RARB: variants seen among roughly 807,000 people sequenced by gnomAD.
RARB encodes HBV-activated protein.
RARB carries 17 observed loss-of-function variants against 51.9 expected under a neutral mutation model. The ratio of observed to expected loss-of-function variants is 0.33; its 90% CI spans 0.22 to 0.49. The LOEUF is 0.49. Among genes scored for constraint, RARB ranks in the 20% least tolerant of loss-of-function variants. The pLI is 0.99. For missense variants in RARB, 369 were observed against 550.8 expected, an observed-to-expected ratio of 0.67 and a Z score of 3.30; for synonymous variants, 215 against 195.4, an observed-to-expected ratio of 1.10 and a Z score of -0.84.
chr3:25,350,555 C>G (rs566857385), intron 5 of RARB, among the ~76,000 whole-genome samples: 36 of 152,270 alleles, frequency 2.4e-4, no homozygotes, highest in African/African-American at 8.7e-4. Flanking sequence ...ATAGCACTCA[C>G]CACTGCCTAA....
At position 25,321,487 on chromosome 3, in the gene RARB, G is replaced by A. The variant is rs528545041; in HGVS notation, c.179-139706G>A. On this transcript the variant is annotated intron_variant, in intron 5 of 11. Coordinates refer to the RARB transcript ENST00000383772. Reference sequence around the variant, plus strand: ...AATCCCAGCACTTTGGGAGGCCGAGGCAGTCCAGTCACCTGAGGTTAGGTG... The same window carrying A: ...AATCCCAGCACTTTGGGAGGCCGAGACAGTCCAGTCACCTGAGGTTAGGTG... Among the ~76,000 whole-genome samples, 168 of 152,176 alleles carry A rather than the reference G, an allele frequency of 1.1e-3. 1 individual carries two copies. In the South Asian group the frequency reaches 0.02, roughly 18 times the overall value.
At chr3:24,871,439 C>T (rs547846762) in intron 2 of RARB, among the ~76,000 whole-genome samples, 9 of 152,266 alleles carry the variant, frequency 5.9e-5, no homozygotes, top group East Asian at 3.9e-4. Flanking sequence ...GGCATTCCCT[C>T]GCTACCATGT....
At chr3:25,186,641 T>C (rs1700983080) in intron 5 of RARB, among the ~76,000 whole-genome samples, 1 of 152,048 alleles carries the variant, frequency 6.6e-6, no homozygotes, top group African/African-American at 2.4e-5. Context: ...CATAGAAAGA[T>C]AATGAATGGA....
intron 2 of RARB, among the ~76,000 whole-genome samples, chr3:24,997,196 G>C (rs1016474591): frequency 6.6e-6 from 1 of 152,030 alleles, no homozygotes; most frequent in South Asian, 2.1e-4. Context: ...AACTGATATT[G>C]TTGTTATTGT....
intron 5 of RARB, among the ~76,000 whole-genome samples, chr3:25,182,915 T>C (rs1700890570): frequency 6.6e-6 from 1 of 152,064 alleles, no homozygotes; most frequent in African/African-American, 2.4e-5. Context: ...CATGTGAAGA[T>C]TGGAGCTAGC....
intron 5 of RARB, among the ~76,000 whole-genome samples, chr3:25,349,601 T>A (rs1705498120): frequency 6.6e-6 from 1 of 152,176 alleles, no homozygotes. Context: ...CAGCAATTCA[T>A]GTCCTCAAAT....
chr3:25,062,745 T>A (rs1288086948), intron 3 of RARB, among the ~76,000 whole-genome samples: 1 of 151,954 alleles, frequency 6.6e-6, no homozygotes, highest in Non-Finnish European at 1.5e-5. Context: ...GCTTATTGGT[T>A]GCCTATGTTT....
chr3:25,572,028 A>G (rs1405038680), intron 4 of RARB, among the ~76,000 whole-genome samples: 1 of 152,214 alleles, frequency 6.6e-6, no homozygotes, highest in Non-Finnish European at 1.5e-5. Context: ...ATTGCCAACC[A>G]TTCAGTGGCA....
chr3:25,114,602 G>C (rs1485431582), intron 3 of RARB, among the ~76,000 whole-genome samples: 2 of 152,150 alleles, frequency 1.3e-5, no homozygotes, highest in Non-Finnish European at 2.9e-5. Flanking sequence ...GTTTACAGTT[G>C]CAAGTGTTAT....
At chr3:25,552,558 C>T (rs890327251) in intron 3 of RARB, among the ~76,000 whole-genome samples, 1 of 152,096 alleles carries the variant, frequency 6.6e-6, no homozygotes, top group Non-Finnish European at 1.5e-5. Flanking sequence ...GCTGGCCCTG[C>T]TTTGCATATA....
chr3:25,594,523 G>A lies in RARB; in HGVS notation c.995G>A (p.Arg332His), dbSNP rs774385228. Residue 332 changes from arginine to histidine, a missense_variant, in exon 7 of 8, where the codon CGC (arginine) becomes CAC (histidine). By Grantham distance (29) the Arg-to-His change is conservative. Coordinates refer to ENST00000330688, the MANE Select transcript of RARB (RefSeq NM_000965.5). ...ATACTTTATTCCTGGTATCCAGACC[G>A]CCAGGACCTTGAGGAACCGACAAAA... ...LSAICLICGD[R>H]QDLEEPTKVD... 7 of 1,605,400 alleles carry A rather than the reference G, an allele frequency of 4.4e-6. No homozygotes were observed. The highest frequency in any genetic ancestry group is 1.4e-5 in the African/African-American group (1 of 74,068).
chr3:24,955,690 T>C (rs576794532), intron 2 of RARB, among the ~76,000 whole-genome samples: 5 of 152,238 alleles, frequency 3.3e-5, no homozygotes, highest in East Asian at 1.9e-4. Flanking sequence ...ATGCCCTTTT[T>C]TTTAGGGGGT....
upstream of RARB, among the ~76,000 whole-genome samples, chr3:25,426,776 CA>C (rs565332284): frequency 7.9e-4 from 121 of 152,322 alleles, no homozygotes; most frequent in Non-Finnish European, 1.5e-3. Context: ...ATCCTTTAAA[CA>C]AGTTGTGCAA....
intron 2 of RARB, among the ~76,000 whole-genome samples, chr3:24,922,784 T>C (rs1338618626): frequency 6.6e-6 from 1 of 152,132 alleles, no homozygotes; most frequent in Non-Finnish European, 1.5e-5. Flanking sequence ...TAAGTGTCCA[T>C]TGCTACAGCT....
intron 3 of RARB, among the ~76,000 whole-genome samples, chr3:25,113,319 C>A (rs1008698061): frequency 6.6e-6 from 1 of 152,140 alleles, no homozygotes; most frequent in African/African-American, 2.4e-5. Context: ...AATTAAATTA[C>A]CACTGGGTAC....
chr3:25,224,587 C>T (rs974096187), intron 5 of RARB, among the ~76,000 whole-genome samples: 1 of 152,092 alleles, frequency 6.6e-6, no homozygotes, highest in Non-Finnish European at 1.5e-5. Context: ...GGTAAGCTCA[C>T]CTGAAATCTT....
rs1303515546 is a variant in RARB, at chr3:24,985,539, A to G, written c.-379-74586A>G. 2.0e-5 allele frequency among the ~76,000 whole-genome samples: 3 copies of G among 152,164 alleles called. No individual in the cohort carries two copies. The East Asian group carries it at 5.8e-4, about 29-fold the overall frequency. On this transcript the variant is annotated intron_variant, in intron 2 of 11. Transcript: ENST00000383772. ...CTTACAGGTTTTCCTTTGGGGAAAA[A>G]TTTAAAGGAGGATCATGATTCAAGA...
intron 3 of RARB, among the ~76,000 whole-genome samples, chr3:25,084,941 C>T (rs962514015): frequency 6.6e-5 from 10 of 152,188 alleles, no homozygotes; most frequent in African/African-American, 2.2e-4. Context: ...CATGACTTCA[C>T]AATACATTTT....
intron 3 of RARB, among the ~76,000 whole-genome samples, chr3:25,130,329 C>A (rs1335276476): frequency 6.6e-6 from 1 of 152,154 alleles, no homozygotes; most frequent in South Asian, 2.1e-4. Context: ...CCTAAACATA[C>A]AGCGTTCCCT....
Sources: gnomAD v4.1 joint callset for allele counts (sites outside exome capture counted in the v4.1 genomes callset) on GRCh38, gnomAD v4.1.1 for gene constraint, MANE v1.5 for transcripts, NCBI Gene and HGNC (gene_info 2026-07-23, HGNC 2026-07-21) for gene names.